The following INPP5A variants were observed in gnomAD, a reference collection of about 807,000 sequenced individuals.
The protein encoded by INPP5A is 43 kDa inositol polyphosphate 5-phophatase.
A neutral mutation model predicts 65.2 loss-of-function variants in INPP5A; 14 were observed. That is an observed-to-expected ratio of 0.21 (90% CI 0.14 to 0.34). The LOEUF (loss-of-function observed/expected upper bound fraction) is 0.34. Among genes scored for constraint, INPP5A ranks in the 10% least tolerant of loss-of-function variants. INPP5A has a pLI of 1.00. For missense variants in INPP5A, 431 were observed against 545.6 expected (o/e 0.79, Z 2.09); for synonymous variants, 207 against 208.3 (o/e 0.99, Z 0.05).
At chr10:132,596,944 C>CATGTGTGCGCGCATGTGTGT (rs1395970517) in intron 1 of INPP5A, among the ~76,000 whole-genome samples, 3 of 125,678 alleles carry the variant, frequency 2.4e-5, no homozygotes, top group African/African-American at 1.0e-4. Flanking sequence ...CGCATGTGTG[C>CATGTGTGCGCGCATGTGTGT]GTGTGTGCAC....
At chr10:132,628,437 CT>C (rs1363002305) in intron 2 of INPP5A, among the ~76,000 whole-genome samples, 1 of 149,460 alleles carries the variant, frequency 6.7e-6, no homozygotes, top group Non-Finnish European at 1.5e-5. Context: ...TGGCCGCCCC[CT>C]CTCCCTCCAG....
At chr10:132,613,880 T>G (rs960632379) in intron 2 of INPP5A, among the ~76,000 whole-genome samples, 1 of 152,222 alleles carries the variant, frequency 6.6e-6, no homozygotes. Flanking sequence ...CTGTTTCGGG[T>G]GTTTTTAAAT....
intron 8 of INPP5A, among the ~76,000 whole-genome samples, chr10:132,718,207 G>C (rs1204338065): frequency 6.9e-5 from 10 of 144,712 alleles, no homozygotes; most frequent in Non-Finnish European, 6.0e-5. Flanking sequence ...CTGTCTTCAG[G>C]GTTCTGTGGT....
At chr10:132,607,875 A>G in intron 1 of INPP5A, 40 bp from the exon 2 acceptor site, 1 of 1,592,900 alleles carries the variant, frequency 6.3e-7, no homozygotes, top group Non-Finnish European at 8.5e-7. Flanking sequence ...GGGCTGTGCC[A>G]TTGGTCTGAC....
intron 4 of INPP5A, among the ~76,000 whole-genome samples, chr10:132,666,286 A>G (rs2072801251): frequency 6.6e-6 from 1 of 152,176 alleles, no homozygotes; most frequent in South Asian, 2.1e-4. Context: ...ATTTGAACAC[A>G]TTATTCCATG....
At chr10:132,718,285 G>A (rs1470069729) in intron 8 of INPP5A, among the ~76,000 whole-genome samples, 3 of 133,088 alleles carry the variant, frequency 2.3e-5, no homozygotes, top group Admixed American at 7.7e-5. Flanking sequence ...GTTCTTTCTG[G>A]GGGCGCCTTA....
intron 12 of INPP5A, among the ~76,000 whole-genome samples, chr10:132,775,219 A>AGGGGCAGGGAGGAGAG (rs1565014242): frequency 2.4e-3 from 18 of 7,492 alleles, no homozygotes; most frequent in Non-Finnish European, 4.0e-3. Context: ...GGGCAGGGGG[A>AGGGGCAGGGAGGAGAG]GGGGCAGGGG....
chr10:132,760,881 C>T (rs566183527), intron 11 of INPP5A, among the ~76,000 whole-genome samples: 66 of 152,306 alleles, frequency 4.3e-4, no homozygotes, highest in South Asian at 8.3e-4. Context: ...CCCTGCATCT[C>T]GGGACACAGC....
At chr10:132,564,866 C>A (rs908360960) in intron 1 of INPP5A, among the ~76,000 whole-genome samples, 1 of 152,048 alleles carries the variant, frequency 6.6e-6, no homozygotes, top group Admixed American at 6.6e-5. Flanking sequence ...CTGTTGCATG[C>A]CCCCGTATGC....
intron 12 of INPP5A, among the ~76,000 whole-genome samples, chr10:132,774,855 GGGCAGGGAGGAGGGGCAGGGAGGAGA>G (rs1334744070): frequency 3.4e-4 from 35 of 102,576 alleles, no homozygotes; most frequent in South Asian, 1.2e-3. Context: ...AGGGAGAGAC[GGGCAGGGAGGAGGGGCAGGGAGGAGA>G]GGCAGGGAGG....
At chr10:132,578,778 T>A (rs1034405351) in intron 1 of INPP5A, among the ~76,000 whole-genome samples, 1 of 151,304 alleles carries the variant, frequency 6.6e-6, no homozygotes, top group Non-Finnish European at 1.5e-5. Flanking sequence ...GGGTCTGGGC[T>A]CCAGGAGAGG....
At chr10:132,711,275 C>A (rs953609311) in intron 8 of INPP5A, among the ~76,000 whole-genome samples, 6 of 152,154 alleles carry the variant, frequency 3.9e-5, no homozygotes, top group Non-Finnish European at 8.8e-5. Flanking sequence ...GCAGGGGACC[C>A]CCATTGGTGG....
rs1478280716 is a variant in INPP5A at position 132,726,850 on chromosome 10, C to G, written c.677C>G (p.Ser226Cys). 6.2e-7 allele frequency: 1 copy of G among 1,608,986 alleles called. No individual in the cohort carries two copies. Among genetic ancestry groups the G allele is most frequent in the Non-Finnish European group, 8.5e-7 (1 of 1,176,414 alleles). ...RIIDQRFEKV[S>C]YFVFGDFNFR... ...ATTGATCAGCGATTCGAGAAGGTTT[C>G]CTACTTTGTATTTGGTGATTTCAAC... Residue 226 changes from serine (S) to cysteine (C), a missense_variant, in exon 9 of 16, where the codon TCC (serine) becomes TGC (cysteine). Ser to Cys is a moderately radical substitution (Grantham distance 112). Transcript: ENST00000368594.
In INPP5A at chr10:132,546,676, C is replaced by T. The variant is rs939707095; in HGVS notation, c.75+8505C>T. On this transcript the variant is annotated intron_variant, in intron 1 of 15. Coordinates refer to ENST00000368594, the MANE Select transcript of INPP5A (RefSeq NM_005539.5). The surrounding 1 kb of genome is among the most constrained non-coding windows in gnomAD (Gnocchi z 5.7). ...GTCTCTGTGTGGGGTCTCCTGGCTC[C>T]TGCAGATCTGTGTAGCCTGCACTGA... Among the ~76,000 whole-genome samples, 8 of 152,206 alleles carry T rather than the reference C, an allele frequency of 5.3e-5. No homozygotes were observed. Among genetic ancestry groups the T allele is most frequent in the Non-Finnish European group, 1.0e-4 (7 of 68,024 alleles).
At chr10:132,558,343 C>T (rs917671767) in intron 1 of INPP5A, among the ~76,000 whole-genome samples, 13 of 152,224 alleles carry the variant, frequency 8.5e-5, no homozygotes, top group Admixed American at 2.0e-4. Context: ...CCACTCGCTC[C>T]GGGGCTAATC....
In INPP5A at chr10:132,582,798, C is replaced by G. The variant is rs563477214; in HGVS notation, c.76-25117C>G. Among the ~76,000 whole-genome samples the G allele has an allele frequency of 1.4e-3, 220 of 152,362 alleles. 3 individuals are homozygous for G. The South Asian group carries it at 0.022, about 15-fold the overall frequency. Reference sequence around the variant, plus strand: ...TTCTGGATTCGCTATTCTGCTCCATCAGTCCATTGAATTTTATTCCAGGTC... The same window carrying G: ...TTCTGGATTCGCTATTCTGCTCCATGAGTCCATTGAATTTTATTCCAGGTC... On this transcript the variant is annotated intron_variant, in intron 1 of 15. Transcript: ENST00000368594.
At chr10:132,591,991 CAT>C (rs1218611691) in intron 1 of INPP5A, among the ~76,000 whole-genome samples, 6 of 152,186 alleles carry the variant, frequency 3.9e-5, no homozygotes, top group Non-Finnish European at 7.3e-5. Flanking sequence ...ATCCACGTCT[CAT>C]GTGGTATTCA....
At chr10:132,725,795 C>G (rs2767454) in intron 8 of INPP5A, among the ~76,000 whole-genome samples, 14,147 of 152,282 alleles carry the variant, frequency 0.093, 748 homozygotes, top group African/African-American at 0.12. Context: ...GATGGGCAGC[C>G]TCTGTGCTGC....
At position 132,777,676 on chromosome 10, in the gene INPP5A, C is replaced by G. The variant is rs777345800; in HGVS notation, c.983C>G (p.Pro328Arg). ...ELDISFPPSY[P>R]YSEDARQGEQ... ...CTGCCTTCATGTCTCCCCAGCTACC[C>G]GTACAGTGAGGACGCCCGCCAGGGT... is the stretch of plus-strand genomic sequence containing the variant. Residue 328 changes from proline (P) to arginine (R), a missense_variant, in exon 13 of 16, where the codon CCG becomes CGG. By Grantham distance (103) the Pro-to-Arg change is moderately radical (BLOSUM62 -2). Coordinates refer to ENST00000368594, the MANE Select transcript of INPP5A (RefSeq NM_005539.5). 6.2e-7 allele frequency: 1 copy of G among 1,612,614 alleles called. No individual in the cohort carries two copies. Among genetic ancestry groups the G allele is most frequent in the South Asian group, 1.1e-5 (1 of 91,054 alleles).
Sources: allele counts gnomAD v4.1 joint callset (sites outside exome capture counted in the v4.1 genomes callset), GRCh38; gene constraint gnomAD v4.1.1; non-coding constraint Gnocchi (gnomAD v3.1); transcripts MANE v1.5; gene names NCBI Gene and HGNC (gene_info 2026-07-23, HGNC 2026-07-21).